The following RALGAPA2 variants were observed in gnomAD, a reference collection of about 807,000 sequenced individuals.
RALGAPA2 encodes Ral GTPase activating protein catalytic subunit alpha 2, also known as ral GTPase-activating protein subunit alpha-2.
RALGAPA2 carries 139 observed loss-of-function variants against 230.4 expected under a neutral mutation model. The ratio of observed to expected loss-of-function variants is 0.60; its 90% confidence interval spans 0.53 to 0.69. RALGAPA2 has a LOEUF of 0.69. Ranked by LOEUF, RALGAPA2 falls within the 30% of genes least tolerant of loss-of-function variation. RALGAPA2 has a pLI of 0.00. For missense variants in RALGAPA2, 2,163 were observed against 2,276.0 expected (o/e 0.95, Z 1.01); for synonymous variants, 847 against 837.8 (o/e 1.01, Z -0.19).
At chr20:20,689,952 A>T (rs1033972321) in intron 1 of RALGAPA2, among the ~76,000 whole-genome samples, 4 of 151,664 alleles carry the variant, frequency 2.6e-5, no homozygotes, top group Admixed American at 2.6e-4. Flanking sequence ...ATCCACCCCT[A>T]ACCTCACTCA....
chr20:20,459,369 C>T (rs2061246830), intron 37 of RALGAPA2, among the ~76,000 whole-genome samples: 1 of 150,532 alleles, frequency 6.6e-6, no homozygotes, highest in Non-Finnish European at 1.5e-5. Context: ...CTTGTACATA[C>T]TTTAAAATAA....
Position 20,503,510 on chromosome 20 carries a change from A to T in RALGAPA2, c.5053-4T>A, listed in dbSNP as rs1449773595. 5 of 1,544,524 alleles carry T rather than the reference A, an allele frequency of 3.2e-6. No homozygotes were observed. In the Admixed American group the frequency reaches 1.0e-4, roughly 31 times the overall value. On this transcript the variant is annotated splice_polypyrimidine_tract_variant and splice_region_variant and intron_variant, in intron 34 of 39. Coordinates refer to ENST00000202677, the MANE Select transcript of RALGAPA2 (RefSeq NM_020343.4). ...CACAGTGGGTGGAGAGATCCACCTG[A>T]CAAAGGTCACAAAGAAGAAAGAGTG... is the stretch of plus-strand genomic sequence containing the variant.
Position 20,571,470 on chromosome 20 carries a change from G to A in RALGAPA2, c.3144C>T (p.Thr1048=). 1 of 1,612,170 alleles carries A rather than the reference G, an allele frequency of 6.2e-7. No homozygotes were observed. Among genetic ancestry groups the A allele is most frequent in the East Asian group, 2.2e-5 (1 of 44,810 alleles). ...AGTCGCAGAATACCTGATCCTCGCT[G>A]GTTAATCCCAGGTGCATCACAAGGT... is the stretch of plus-strand genomic sequence containing the variant. The part of the protein sequence containing the change: ...HFYLVMHLGL[T]SEDQDILNTI... The change falls in exon 23 of 40, where the codon ACC becomes ACT. Residue 1048 remains threonine, a synonymous_variant. Coordinates refer to ENST00000202677, the MANE Select transcript of RALGAPA2 (RefSeq NM_020343.4).
chr20:20,488,346 C>T (rs749492426), intron 36 of RALGAPA2, among the ~76,000 whole-genome samples: 24 of 152,304 alleles, frequency 1.6e-4, no homozygotes, highest in Middle Eastern at 3.4e-3. Context: ...TGTCAGCCAG[C>T]CCCACTTGAC....
In RALGAPA2 at chr20:20,390,055, G is replaced by C. The variant is rs2059579740; in HGVS notation, c.*3234C>G. ...CCTCGGATGCAGACGCTGCCCTTCA[G>C]TAGATATAAAGGTAGCACAGTTACA... On this transcript the variant is annotated 3_prime_UTR_variant, in exon 40 of 40. Coordinates refer to ENST00000202677, the MANE Select transcript of RALGAPA2 (RefSeq NM_020343.4). The C allele has an allele frequency of 6.6e-6, 1 of 152,160 alleles. No individual in the cohort carries two copies. The allele number at this position is 152,160 out of a possible 1,614,324, so 9.4% of individuals were successfully genotyped here.
At chr20:20,402,274 T>C (rs1241884843) in intron 38 of RALGAPA2, among the ~76,000 whole-genome samples, 1 of 152,196 alleles carries the variant, frequency 6.6e-6, no homozygotes, top group African/African-American at 2.4e-5. Context: ...TACATGTACA[T>C]AAAGAATGGT....
At chr20:20,531,975 A>G (rs932870980) in intron 26 of RALGAPA2, among the ~76,000 whole-genome samples, 180 bp from the exon 27 acceptor site, 2 of 152,254 alleles carry the variant, frequency 1.3e-5, no homozygotes, top group Non-Finnish European at 2.9e-5. Flanking sequence ...AATTTTCAGG[A>G]CAAATAGAAA....
chr20:20,710,062 T>C (rs2069787651), intron 1 of RALGAPA2, among the ~76,000 whole-genome samples: 1 of 152,034 alleles, frequency 6.6e-6, no homozygotes, highest in Non-Finnish European at 1.5e-5. Context: ...GAAACCGAGG[T>C]TCAGAGACAG....
intron 16 of RALGAPA2, among the ~76,000 whole-genome samples, chr20:20,599,511 C>A (rs2146188347): frequency 6.6e-6 from 1 of 152,302 alleles, no homozygotes; most frequent in South Asian, 2.1e-4. Context: ...TGTAAAACCA[C>A]AATCTGTAAA....
intron 24 of RALGAPA2, among the ~76,000 whole-genome samples, chr20:20,542,141 A>C (rs1431520804): frequency 6.6e-6 from 1 of 152,164 alleles, no homozygotes; most frequent in African/African-American, 2.4e-5. Context: ...CCAAATCGTG[A>C]GTGAACTCCC....
chr20:20,619,365 G>A lies in RALGAPA2; in HGVS notation c.1451C>T (p.Thr484Ile). ...GCTCATTGCACTTGTGAAGGAGTAT[G>A]TGCGTCCCCAACTGGAAGATCGTTT... ...GHKRSSSWGR[T>I]YSFTSAMSRG... Residue 484 changes from threonine to isoleucine, a missense_variant, in exon 12 of 40, where the codon ACA (threonine) becomes ATA (isoleucine). By Grantham distance (89) the Thr-to-Ile change is moderately conservative. Coordinates refer to ENST00000202677, the MANE Select transcript of RALGAPA2 (RefSeq NM_020343.4). The A allele has an allele frequency of 1.2e-6, 2 of 1,610,892 alleles. No individual in the cohort carries two copies. Among genetic ancestry groups the A allele is most frequent in the South Asian group, 1.1e-5 (1 of 90,512 alleles).
chr20:20,409,990 G>A (rs1007578139), intron 38 of RALGAPA2, among the ~76,000 whole-genome samples: 7 of 152,216 alleles, frequency 4.6e-5, no homozygotes, highest in Admixed American at 1.3e-4. Context: ...ACTATGAAAT[G>A]TAATACTGAT....
chr20:20,583,159 C>T lies in RALGAPA2; in HGVS notation c.2598G>A (p.Trp866Ter). Reference sequence around the variant, plus strand: ...GTTCTGGGTCTTCCTCACAGGTCTGCCATGGGCCCATGGACAGCTCTGCCT... The same window carrying T: ...GTTCTGGGTCTTCCTCACAGGTCTGTCATGGGCCCATGGACAGCTCTGCCT... ...TNEAELSMGP[W>*]QTCEEDPELN... Residue 866 changes from tryptophan to a stop codon, truncating the protein, a stop_gained, in exon 20 of 40, where the codon TGG becomes TGA. Transcript: ENST00000202677. LOFTEE classifies it high-confidence loss of function. 1.2e-6 allele frequency: 2 copies of T among 1,613,664 alleles called. No individual in the cohort carries two copies. The highest frequency in any genetic ancestry group is 1.7e-6 in the Non-Finnish European group (2 of 1,179,710).
chr20:20,523,409 G>A (rs984608587), intron 30 of RALGAPA2, among the ~76,000 whole-genome samples: 2 of 152,000 alleles, frequency 1.3e-5, no homozygotes, highest in African/African-American at 2.4e-5. Flanking sequence ...ATTTTTTTGA[G>A]GCAAAACGAT....
chr20:20,412,806 G>A (rs1340677948), intron 37 of RALGAPA2, among the ~76,000 whole-genome samples: 2 of 152,154 alleles, frequency 1.3e-5, no homozygotes, highest in Non-Finnish European at 2.9e-5. Flanking sequence ...ATTCAAATGT[G>A]TAATCAAAAA....
chr20:20,449,049 T>C (rs1045206314), intron 37 of RALGAPA2, among the ~76,000 whole-genome samples: 2 of 152,168 alleles, frequency 1.3e-5, no homozygotes, highest in Non-Finnish European at 2.9e-5. Context: ...CAAAAACACA[T>C]TATGAAGTTC....
At chr20:20,631,134 A>G (rs558930957) in intron 9 of RALGAPA2, among the ~76,000 whole-genome samples, 3 of 152,288 alleles carry the variant, frequency 2.0e-5, no homozygotes, top group African/African-American at 7.2e-5. Context: ...CTCTTGAAAC[A>G]TTTCACTCTT....
intron 3 of RALGAPA2, chr20:20,659,884 T>G (rs192377500): frequency 2.1e-6 from 1 of 476,014 alleles, no homozygotes; most frequent in Admixed American, 2.5e-5. Flanking sequence ...ACAGTACAAC[T>G]ACACTTTCTG....
At chr20:20,414,415 C>T (rs1322662906) in intron 37 of RALGAPA2, among the ~76,000 whole-genome samples, 1 of 152,178 alleles carries the variant, frequency 6.6e-6, no homozygotes, top group African/African-American at 2.4e-5. Flanking sequence ...GCGCATTTTG[C>T]TAACTACTCT....
Sources: gnomAD v4.1 joint callset for allele counts (sites outside exome capture counted in the v4.1 genomes callset) on GRCh38, gnomAD v4.1.1 for gene constraint, MANE v1.5 for transcripts, NCBI Gene and HGNC (gene_info 2026-07-23, HGNC 2026-07-21) for gene names.